Variants in PTCH2 observed in about 807,000 individuals in gnomAD.
PTCH2 encodes patched 2.
PTCH2 carries 96 observed loss-of-function variants against 117.9 expected under a neutral mutation model. The ratio of observed to expected loss-of-function variants is 0.81; its 90% CI spans 0.69 to 0.96. The LOEUF (loss-of-function observed/expected upper bound fraction) is 0.96. Among genes scored for constraint, PTCH2 ranks in the 50% least tolerant of loss-of-function variants. The pLI is 0.00. For missense variants in PTCH2, 1,379 were observed against 1,562.5 expected (o/e 0.88, Z 1.98); for synonymous variants, 615 against 660.9 (o/e 0.93, Z 1.06).
At chr1:44,836,104 C>T (rs945254231) in intron 2 of PTCH2, among the ~76,000 whole-genome samples, 1 of 152,118 alleles carries the variant, frequency 6.6e-6, no homozygotes, top group Non-Finnish European at 1.5e-5. Flanking sequence ...CCCTGATTTC[C>T]GTGGCCGTCA....
In PTCH2 at chr1:44,826,195, A is replaced by T. The variant is rs1339642459; in HGVS notation, c.3114+55T>A. ...AGCACATAGTAGGGGCTTGAACAAT[A>T]TGTGTTGAATACTGAATCAGCTGAT... On this transcript the variant is annotated intron_variant, in intron 19 of 21. Coordinates refer to ENST00000372192, the MANE Select transcript of PTCH2 (RefSeq NM_003738.5). This position sits in a 1 kb window ranked among gnomAD's most constrained non-coding sequence, Gnocchi z 5.1. The T allele has an allele frequency of 3.1e-6, 5 of 1,591,214 alleles. No individual in the cohort carries two copies. The highest frequency in any genetic ancestry group is 3.4e-6 in the Non-Finnish European group (4 of 1,167,852).
downstream of PTCH2, among the ~76,000 whole-genome samples, chr1:44,821,488 C>T (rs1043613334): frequency 6.6e-6 from 1 of 152,162 alleles, no homozygotes; most frequent in South Asian, 2.1e-4. Context: ...CTCCCCAGAC[C>T]CTGTTGACCT....
intron 19 of PTCH2, among the ~76,000 whole-genome samples, chr1:44,824,845 G>A (rs1653073001): frequency 6.6e-6 from 1 of 151,452 alleles, no homozygotes; most frequent in African/African-American, 2.4e-5. Context: ...GCTAATTTTT[G>A]TATTTTTATT....
chr1:44,828,138 G>A lies in PTCH2; in HGVS notation c.1763C>T (p.Thr588Ile), dbSNP rs1156802395. The change falls in exon 14 of 22, where the codon ACA (threonine) becomes ATA (isoleucine). Residue 588 changes from threonine (T) to isoleucine (I), a missense_variant. Physicochemically the swap from Thr to Ile is moderately conservative, Grantham distance 89. Transcript: ENST00000372192. ...QILPQELGDG[T>I]VPVGIAHLTA... is the part of the protein sequence containing the mutation. ...GAGGTGGGCAATGCCCACTGGTACTGTCCCGTCCCCCAGCTCCTGGGGCAG... is the reference window on the plus strand; with the variant it reads ...GAGGTGGGCAATGCCCACTGGTACTATCCCGTCCCCCAGCTCCTGGGGCAG... The A allele has an allele frequency of 2.5e-6, 4 of 1,613,864 alleles. No homozygotes were observed. In the Admixed American group the frequency reaches 5.0e-5, roughly 20 times the overall value.
chr1:44,832,350 GCAAA>G lies in PTCH2; in HGVS notation c.266-13_266-10del. The G allele has an allele frequency of 1.9e-6, 3 of 1,613,868 alleles. No individual in the cohort carries two copies. The highest frequency in any genetic ancestry group is 2.5e-6 in the Non-Finnish European group (3 of 1,180,006). ...GCTCACCCGGCTGCCCACTGCCAGA[GCAAA>G]CAGAGAAAGCTGGGGGGGAAAGGGC... On this transcript the variant is annotated splice_polypyrimidine_tract_variant and intron_variant, in intron 2 of 21. Transcript: ENST00000372192.
chr1:44,842,877 C>A lies in PTCH2; in HGVS notation c.56G>T (p.Arg19Leu). 6.4e-7 allele frequency: 1 copy of A among 1,550,838 alleles called. No individual in the cohort carries two copies. Among genetic ancestry groups the A allele is most frequent in the Non-Finnish European group, 8.7e-7 (1 of 1,146,536 alleles). Residue 19 changes from arginine (R) to leucine (L), a missense_variant, in exon 1 of 22, where the codon CGA (arginine) becomes CTA (leucine). Coordinates refer to ENST00000372192, the MANE Select transcript of PTCH2 (RefSeq NM_003738.5). The part of the protein sequence containing the change: ...ELPPSYTPPA[R>L]TAAPQILAGS... ...TCTACTCACCTGGGGTGCTGCGGTT[C>A]GAGCTGGGGGTGTGTAACTCGGGGG...
At position 44,823,290 on chromosome 1, in the gene PTCH2, C is replaced by G. The variant is rs138220875; in HGVS notation, c.3210G>C (p.Leu1070Phe). ...APVTDGAIST[L>F]LGLLMLAGSH... ...AACCAGCAAGCATGAGCAGACCCAG[C>G]AATGTGGAGATGGCCCCATCGGTCA... Residue 1070 changes from leucine to phenylalanine, a missense_variant, in exon 20 of 22, where the codon TTG (leucine) becomes TTC (phenylalanine). Leu to Phe is a conservative substitution (Grantham distance 22). Coordinates refer to ENST00000372192, the MANE Select transcript of PTCH2 (RefSeq NM_003738.5). This position sits in a 1 kb window ranked among gnomAD's most constrained non-coding sequence, Gnocchi z 5.1. 9.5e-5 allele frequency: 154 copies of G among 1,614,222 alleles called. No homozygotes were observed. Among genetic ancestry groups the G allele is most frequent in the Non-Finnish European group, 1.3e-4 (149 of 1,180,044 alleles).
rs1239404732 is a variant in PTCH2 at position 44,822,222 on chromosome 1, C to T, written c.*193G>A. The T allele has an allele frequency of 1.4e-6, 2 of 1,473,556 alleles. No individual in the cohort carries two copies. The highest frequency in any genetic ancestry group is 1.4e-5 in the South Asian group (1 of 72,818). The allele number at this position is 1,473,556 out of a possible 1,614,324, so 91.3% of individuals were successfully genotyped here. ...CTCTCAAGTGACACAGATACAGGCT[C>T]ACACAGGCCTGGATGTGCAAATCGG... On this transcript the variant is annotated 3_prime_UTR_variant, in exon 22 of 22. Transcript: ENST00000372192.
intron 2 of PTCH2, among the ~76,000 whole-genome samples, chr1:44,833,312 C>G (rs1653540603): frequency 6.6e-6 from 1 of 152,154 alleles, no homozygotes; most frequent in Non-Finnish European, 1.5e-5. Flanking sequence ...ATCTCAGACC[C>G]TGCGCTGTTT....
chr1:44,828,541 C>T lies in PTCH2; in HGVS notation c.1555G>A (p.Val519Ile), dbSNP rs113543298. The change falls in exon 12 of 22, where the codon GTT (valine) becomes ATT (isoleucine). Residue 519 changes from valine (V) to isoleucine (I), a missense_variant. Physicochemically the swap from Val to Ile is conservative, Grantham distance 29. Transcript: ENST00000372192. ...AAGGCTCGCAGCGCAGGGATGGGAA[C>T]GAGGGCAGCCATGAGGAAGGCGGCC... ...NMAAFLMAAL[V>I]PIPALRAFSL... The T allele has an allele frequency of 1.5e-5, 24 of 1,614,086 alleles. No individual in the cohort carries two copies. The highest frequency in any genetic ancestry group is 5.3e-5 in the African/African-American group (4 of 75,072).
chr1:44,834,727 T>A (rs970499105), intron 2 of PTCH2, among the ~76,000 whole-genome samples: 1 of 152,078 alleles, frequency 6.6e-6, no homozygotes, highest in East Asian at 1.9e-4. Context: ...TTGACAAAGA[T>A]AGATATGGAC....
rs749364880 is a variant in PTCH2, at chr1:44,827,343, G to A, written c.2372-34C>T. 7 of 1,613,454 alleles carry A rather than the reference G, an allele frequency of 4.3e-6. No homozygotes were observed. In the African/African-American group the frequency reaches 6.7e-5, roughly 15 times the overall value. The stretch of plus-strand genomic sequence containing the variant: ...GACCAGGATAGGGTTCTATTAGCTG[G>A]TGGCCCCAGGGCGTTTCTCCCTGCA... On this transcript the variant is annotated intron_variant, in intron 15 of 21. Transcript: ENST00000372192.
chr1:44,820,459 G>A, downstream of PTCH2: 1 of 684,766 alleles, frequency 1.5e-6, no homozygotes, highest in Non-Finnish European at 2.7e-6. Context: ...CAGACACTCA[G>A]GGGCACTGGG....
chr1:44,839,361 C>CAAAAAA (rs57053705), intron 2 of PTCH2, among the ~76,000 whole-genome samples: 6,246 of 75,162 alleles, frequency 0.083, 544 homozygotes, highest in Non-Finnish European at 0.12. Flanking sequence ...GACTTACTCT[C>CAAAAAA]AAAAAAAAAA....
chr1:44,836,109 C>T (rs1046304743), intron 2 of PTCH2, among the ~76,000 whole-genome samples: 2 of 152,262 alleles, frequency 1.3e-5, no homozygotes, highest in East Asian at 3.9e-4. Context: ...ATTTCCGTGG[C>T]CGTCATCGGA....
rs2148879239 is a variant in PTCH2 at position 44,830,981 on chromosome 1, G to A, written c.680C>T (p.Pro227Leu). ...CCGGAAGCCCTCAAGGGAGGCAAAG[G>A]GACCCAGCTCCTCCAGCAGCTGCTC... Reference protein sequence around the residue: ...DPEQLLEELGPFASLEGFREL... With the variant: ...DPEQLLEELGLFASLEGFREL... Residue 227 changes from proline to leucine, a missense_variant, in exon 6 of 22, where the codon CCC (proline) becomes CTC (leucine). Pro to Leu is a moderately conservative substitution (Grantham distance 98). Coordinates refer to ENST00000372192, the MANE Select transcript of PTCH2 (RefSeq NM_003738.5). 3.7e-6 allele frequency: 6 copies of A among 1,612,560 alleles called. No homozygotes were observed. Among genetic ancestry groups the A allele is most frequent in the South Asian group, 1.1e-5 (1 of 91,016 alleles).
chr1:44,827,744 C>G, intron 14 of PTCH2, 30 bp from the exon 15 acceptor site: 1 of 1,611,062 alleles, frequency 6.2e-7, no homozygotes, highest in Non-Finnish European at 8.5e-7. Context: ...AGCTGGAGAC[C>G]CCAGGGCTGC....
At chr1:44,824,875 G>A (rs1653076252) in intron 19 of PTCH2, among the ~76,000 whole-genome samples, 1 of 152,024 alleles carries the variant, frequency 6.6e-6, no homozygotes, top group Admixed American at 6.6e-5. Flanking sequence ...GTTTCACCAT[G>A]TTGCCCAGGC....
At chr1:44,842,612 G>A (rs1654003222) in intron 1 of PTCH2, among the ~76,000 whole-genome samples, 1 of 152,122 alleles carries the variant, frequency 6.6e-6, no homozygotes, top group Non-Finnish European at 1.5e-5. Flanking sequence ...GGATACATAT[G>A]TACACACACC....
Sources: allele counts gnomAD v4.1 joint callset (sites outside exome capture counted in the v4.1 genomes callset), GRCh38; gene constraint gnomAD v4.1.1; non-coding constraint Gnocchi (gnomAD v3.1); transcripts MANE v1.5; gene names NCBI Gene and HGNC (gene_info 2026-07-23, HGNC 2026-07-21).